Variants in MRPL37 observed in about 807,000 individuals in gnomAD.
The protein encoded by MRPL37 is mitochondrial ribosomal protein L37.
MRPL37 carries 34 observed loss-of-function variants against 44.1 expected under a neutral mutation model. That is an observed-to-expected ratio of 0.77 (90% CI 0.59 to 1.03). The LOEUF (loss-of-function observed/expected upper bound fraction) is 1.03, where lower values mean the gene tolerates loss of function less well. Ranked by LOEUF, MRPL37 falls within the 50% of genes least tolerant of loss-of-function variation. MRPL37 has a pLI of 0.00. For synonymous variants in MRPL37, 212 were observed against 219.5 expected (o/e 0.97, Z 0.30); for missense variants, 532 against 543.7 (o/e 0.98, Z 0.21).
At chr1:54,201,653 A>G (rs1644084444) in intron 1 of MRPL37, among the ~76,000 whole-genome samples, 1 of 152,206 alleles carries the variant, frequency 6.6e-6, no homozygotes, top group Non-Finnish European at 1.5e-5. Flanking sequence ...CATTTGGGGT[A>G]ATGGAGAGAG....
At chr1:54,205,661 G>A in intron 3 of MRPL37, among the ~76,000 whole-genome samples, 1 of 152,180 alleles carries the variant, frequency 6.6e-6, no homozygotes, top group East Asian at 1.9e-4. Flanking sequence ...TGCTTAGGAT[G>A]TGCTTGGGAA....
chr1:54,221,479 A>C (rs1402366165), downstream of MRPL37, among the ~76,000 whole-genome samples: 1 of 152,134 alleles, frequency 6.6e-6, no homozygotes, highest in African/African-American at 2.4e-5. Flanking sequence ...CTCTCCCCTC[A>C]GAATACATCT....
downstream of MRPL37, chr1:54,218,438 C>T: frequency 7.1e-7 from 1 of 1,414,836 alleles, no homozygotes; most frequent in Non-Finnish European, 9.3e-7. Flanking sequence ...AAGTCCAAGC[C>T]CTGGAGCCTG....
At chr1:54,221,169 G>A (rs1182399647), downstream of MRPL37, among the ~76,000 whole-genome samples, 1 of 152,198 alleles carries the variant, frequency 6.6e-6, no homozygotes, top group East Asian at 1.9e-4. Context: ...CAGGTGGAAA[G>A]GTGGACTTGC....
chr1:54,205,724 G>A (rs1268844145), intron 3 of MRPL37, among the ~76,000 whole-genome samples: 4 of 152,242 alleles, frequency 2.6e-5, no homozygotes, highest in Non-Finnish European at 4.4e-5. Flanking sequence ...TGTAGCCTCC[G>A]CCCTCACAAT....
chr1:54,224,248 G>A (rs1644258079), downstream of MRPL37, among the ~76,000 whole-genome samples: 1 of 152,154 alleles, frequency 6.6e-6, no homozygotes, highest in Non-Finnish European at 1.5e-5. Flanking sequence ...GTTCAAAGGT[G>A]TCTGTACTCA....
intron 3 of MRPL37, among the ~76,000 whole-genome samples, chr1:54,208,134 A>C (rs902991507): frequency 2.0e-5 from 3 of 152,184 alleles, no homozygotes; most frequent in Admixed American, 6.5e-5. Context: ...CTTGTCACCT[A>C]CGTCTGCATG....
intron 6 of MRPL37, 139 bp from the exon 7 acceptor site, chr1:54,218,033 T>G: frequency 1.2e-6 from 1 of 831,964 alleles, no homozygotes; most frequent in Non-Finnish European, 2.0e-6. Context: ...TCAATGCCCC[T>G]TCTTAGTCCG....
rs1220823907 is a variant in MRPL37, at chr1:54,208,528, G to A, written c.647-1418G>A. On this transcript the variant is annotated intron_variant, in intron 3 of 6. Transcript: ENST00000360840. ...TGCGCCACTGCACTCCAGCCTGGGC[G>A]ACAGAGCAAGACTCCGTCTCAAAAA... Among the ~76,000 whole-genome samples the A allele has an allele frequency of 1.1e-4, 13 of 117,638 alleles. 1 individual carries two copies. The highest frequency in any genetic ancestry group is 0.018 in the Middle Eastern group (2 of 110). The allele number at this position is 117,638 out of a possible 152,430, so 77.2% of individuals were successfully genotyped here. A position where few individuals can be genotyped will look rare whatever the true frequency, so the allele number is the denominator to read the frequency against.
intron 4 of MRPL37, among the ~76,000 whole-genome samples, chr1:54,211,402 C>T (rs562674931): frequency 1.3e-5 from 2 of 152,124 alleles, no homozygotes; most frequent in South Asian, 4.2e-4. Context: ...TTACCTGTGC[C>T]GAATACCTGA....
At chr1:54,206,615 G>A (rs1179684423) in intron 3 of MRPL37, among the ~76,000 whole-genome samples, 2 of 151,898 alleles carry the variant, frequency 1.3e-5, no homozygotes, top group Non-Finnish European at 2.9e-5. Flanking sequence ...TCACCATGTT[G>A]GCCAGGCTGG....
downstream of MRPL37, among the ~76,000 whole-genome samples, chr1:54,224,723 CT>C (rs1326108086): frequency 6.8e-6 from 1 of 148,092 alleles, no homozygotes. Context: ...GTACAAAGTT[CT>C]TTCTAGTCGT....
intron 5 of MRPL37, 65 bp from the exon 6 acceptor site, chr1:54,216,076 G>C: frequency 6.5e-7 from 1 of 1,548,138 alleles, no homozygotes; most frequent in Non-Finnish European, 8.9e-7. Flanking sequence ...GAAGCTGCCT[G>C]GGCCGTGCTG....
At chr1:54,220,274 T>G (rs565581213), downstream of MRPL37, among the ~76,000 whole-genome samples, 1 of 152,252 alleles carries the variant, frequency 6.6e-6, no homozygotes, top group East Asian at 1.9e-4. Flanking sequence ...ACGGAGGCTC[T>G]GAGTAAGCGG....
downstream of MRPL37, chr1:54,220,958 C>T (rs1644229864): frequency 2.6e-6 from 1 of 381,236 alleles, no homozygotes; most frequent in Non-Finnish European, 5.5e-6. Context: ...CAGCAAGCTT[C>T]AGTGGCAAGG....
chr1:54,220,081 C>T (rs1644222719), downstream of MRPL37, among the ~76,000 whole-genome samples: 1 of 151,890 alleles, frequency 6.6e-6, no homozygotes, highest in Non-Finnish European at 1.5e-5. Context: ...TTAAACAACA[C>T]TCTGTTGGGA....
chr1:54,216,458 C>G, intron 6 of MRPL37, 114 bp downstream of exon 6: 1 of 1,245,030 alleles, frequency 8.0e-7, no homozygotes, highest in Non-Finnish European at 1.1e-6. Context: ...GCCCTGGGGA[C>G]TTCCCACCCG....
downstream of MRPL37, among the ~76,000 whole-genome samples, chr1:54,222,998 T>G (rs371885271): frequency 2.9e-4 from 44 of 152,154 alleles, 1 homozygote; most frequent in African/African-American, 1.0e-3. Context: ...AGTGAGATGG[T>G]CTTTGTGGCA....
chr1:54,220,817 C>T (rs1217669476), downstream of MRPL37: 10 of 469,750 alleles, frequency 2.1e-5, no homozygotes, highest in African/African-American at 8.0e-5. Flanking sequence ...ATAGCGAAAC[C>T]CCACGAGAGG....
Sources: allele counts gnomAD v4.1 joint callset (sites outside exome capture counted in the v4.1 genomes callset), GRCh38; gene constraint gnomAD v4.1.1; transcripts MANE v1.5; gene names NCBI Gene and HGNC (gene_info 2026-07-23, HGNC 2026-07-21).